The following LOC400499 variants were observed in gnomAD, a reference collection of about 807,000 sequenced individuals.
the LOC400499 span, among the ~76,000 whole-genome samples, chr16:11,381,712 T>C: frequency 1.3e-5 from 2 of 152,200 alleles, no homozygotes; most frequent in Non-Finnish European, 2.9e-5. Flanking sequence ...TTGAGCTGGG[T>C]ACACACACTA....
chr16:11,468,568 C>A, the LOC400499 span, among the ~76,000 whole-genome samples: 1 of 152,110 alleles, frequency 6.6e-6, no homozygotes. Context: ...TCAAGTGATC[C>A]TCCCAACTTG....
chr16:11,487,788 C>T, the LOC400499 span, among the ~76,000 whole-genome samples: 1 of 152,166 alleles, frequency 6.6e-6, no homozygotes, highest in Non-Finnish European at 1.5e-5. Context: ...ATTCACAGCC[C>T]TCAGCAAGCC....
the LOC400499 span, among the ~76,000 whole-genome samples, chr16:11,427,335 C>T: frequency 2.8e-5 from 3 of 106,408 alleles, no homozygotes; most frequent in Admixed American, 4.1e-4. Context: ...GCAACAAGAG[C>T]GAAACTCCAT....
At chr16:11,506,802 G>A in the LOC400499 span, among the ~76,000 whole-genome samples, 1 of 152,198 alleles carries the variant, frequency 6.6e-6, no homozygotes, top group South Asian at 2.1e-4. Flanking sequence ...TCAATGGGGA[G>A]GGGCAGAGGC....
chr16:11,410,397 T>C, the LOC400499 span, among the ~76,000 whole-genome samples: 16 of 152,268 alleles, frequency 1.1e-4, no homozygotes, highest in East Asian at 3.1e-3. Context: ...GAGGTTGCAG[T>C]GAGCCGAAAT....
the LOC400499 span, among the ~76,000 whole-genome samples, chr16:11,386,323 C>A: frequency 6.6e-6 from 1 of 152,266 alleles, no homozygotes; most frequent in Non-Finnish European, 1.5e-5. Context: ...GTCGGCCAGT[C>A]CCAGCATCCT....
chr16:11,374,209 C>G, the LOC400499 span, among the ~76,000 whole-genome samples: 4 of 152,150 alleles, frequency 2.6e-5, no homozygotes, highest in African/African-American at 7.2e-5. Flanking sequence ...CTAGCTTTTA[C>G]TCTTAGAATT....
the LOC400499 span, among the ~76,000 whole-genome samples, chr16:11,479,552 G>A: frequency 6.6e-6 from 1 of 152,020 alleles, no homozygotes; most frequent in African/African-American, 2.4e-5. Context: ...GAGCCCAGGA[G>A]TTCAAGGCTG....
the LOC400499 span, among the ~76,000 whole-genome samples, chr16:11,512,221 A>G: frequency 6.6e-6 from 1 of 151,866 alleles, no homozygotes; most frequent in Admixed American, 6.6e-5. Flanking sequence ...GGAGGAGGTT[A>G]CAGTGAGCTG....
chr16:11,496,072 T>G, the LOC400499 span, among the ~76,000 whole-genome samples: 2 of 151,150 alleles, frequency 1.3e-5, no homozygotes, highest in Non-Finnish European at 3.0e-5. Context: ...CTGTCCTTTT[T>G]TTTTTTTTCT....
At chr16:11,457,505 A>T in the LOC400499 span, among the ~76,000 whole-genome samples, 2 of 150,932 alleles carry the variant, frequency 1.3e-5, no homozygotes, top group Non-Finnish European at 3.0e-5. Flanking sequence ...AGGCAGGAGA[A>T]TGGTGTGAAT....
chr16:11,404,280 G>T, the LOC400499 span, among the ~76,000 whole-genome samples: 1 of 152,196 alleles, frequency 6.6e-6, no homozygotes, highest in African/African-American at 2.4e-5. Flanking sequence ...TCCCTGAGGG[G>T]TGACACCTGG....
chr16:11,392,048 G>C, the LOC400499 span: 1 of 400,594 alleles, frequency 2.5e-6, no homozygotes, highest in Non-Finnish European at 4.4e-6. Context: ...CCCAAGCCTT[G>C]AACCTTCTCT....
chr16:11,395,963 G>C, the LOC400499 span, among the ~76,000 whole-genome samples: 2 of 152,016 alleles, frequency 1.3e-5, no homozygotes, highest in Non-Finnish European at 2.9e-5. Context: ...GGGCAGAGTA[G>C]GTATTGGAGG....
chr16:11,502,210 C>T, the LOC400499 span: 1 of 399,012 alleles, frequency 2.5e-6, no homozygotes, highest in South Asian at 1.3e-4. Context: ...GCATGAGACA[C>T]CCAGCAGTGC....
At chr16:11,509,820 A>G in the LOC400499 span, among the ~76,000 whole-genome samples, 1 of 152,114 alleles carries the variant, frequency 6.6e-6, no homozygotes, top group East Asian at 1.9e-4. Flanking sequence ...GACAAGAGTG[A>G]GACTCTGTCT....
the LOC400499 span, among the ~76,000 whole-genome samples, chr16:11,476,470 C>G: frequency 6.6e-6 from 1 of 152,040 alleles, no homozygotes; most frequent in Non-Finnish European, 1.5e-5. Context: ...TGGACACACA[C>G]GCACTCCCAC....
the LOC400499 span, chr16:11,401,116 C>G: frequency 2.5e-6 from 1 of 397,564 alleles, no homozygotes; most frequent in Non-Finnish European, 4.4e-6. Context: ...CAGAGATCCC[C>G]AGGCTTCAGG....
At chr16:11,463,820 T>A in the LOC400499 span, among the ~76,000 whole-genome samples, 30 of 152,296 alleles carry the variant, frequency 2.0e-4, no homozygotes, top group African/African-American at 7.0e-4. Flanking sequence ...AATATGTGTG[T>A]ATGGACGTGT....
Sources: allele counts gnomAD v4.1 joint callset (sites outside exome capture counted in the v4.1 genomes callset), GRCh38; gene constraint gnomAD v4.1.1; transcripts MANE v1.5.